Variants in KIAA1549 observed in about 807,000 individuals in gnomAD.
KIAA1549 encodes the protein KIAA1549, also known as UPF0606 protein KIAA1549.
Under a neutral mutation model 156.4 loss-of-function variants are expected in KIAA1549, and 70 were observed. The observed-to-expected ratio is 0.45, with a 90% CI of 0.37 to 0.55. The LOEUF (loss-of-function observed/expected upper bound fraction) is 0.55. Among genes scored for constraint, KIAA1549 ranks in the 20% least tolerant of loss-of-function variants. KIAA1549 has a pLI of 0.00. For missense variants in KIAA1549, 2,428 were observed against 2,540.9 expected (o/e 0.96, Z 0.96); for synonymous variants, 1,103 against 1,066.4 (o/e 1.03, Z -0.67).
chr7:138,837,900 G>A lies in KIAA1549; in HGVS notation c.*6C>T. The A allele has an allele frequency of 6.2e-7, 1 of 1,612,856 alleles. No homozygotes were observed. Among genetic ancestry groups the A allele is most frequent in the Non-Finnish European group, 8.5e-7 (1 of 1,179,592 alleles). Reference sequence around the variant, plus strand: ...GATACTTGGCAAATCTGCGAGGCGAGGCCGATCAGCTGTGGAAGTTCTGCA... The same window carrying A: ...GATACTTGGCAAATCTGCGAGGCGAAGCCGATCAGCTGTGGAAGTTCTGCA... On this transcript the variant is annotated 3_prime_UTR_variant, in exon 20 of 20. Coordinates refer to ENST00000422774, the MANE Select transcript of KIAA1549 (RefSeq NM_001164665.2).
chr7:138,940,010 T>C (rs1813130339), intron 1 of KIAA1549, among the ~76,000 whole-genome samples: 1 of 152,152 alleles, frequency 6.6e-6, no homozygotes, highest in African/African-American at 2.4e-5. Flanking sequence ...TTAATTTTAA[T>C]TTAAAAATAA....
intron 10 of KIAA1549, among the ~76,000 whole-genome samples, chr7:138,888,684 A>C (rs542930535): frequency 5.3e-4 from 81 of 152,364 alleles, no homozygotes; most frequent in Non-Finnish European, 1.1e-3. Context: ...ATGAAAAATT[A>C]GGCAGGCTAA....
intron 8 of KIAA1549, among the ~76,000 whole-genome samples, chr7:138,899,486 C>A (rs1478490494): frequency 6.6e-6 from 1 of 152,220 alleles, no homozygotes; most frequent in Non-Finnish European, 1.5e-5. Flanking sequence ...ATCCTCCCAA[C>A]ATTAACTGTA....
At chr7:138,922,345 A>C (rs902674878) in intron 1 of KIAA1549, among the ~76,000 whole-genome samples, 2 of 152,234 alleles carry the variant, frequency 1.3e-5, no homozygotes, top group Non-Finnish European at 2.9e-5. Flanking sequence ...CTGCAGCTAG[A>C]GTTGCAGAGC....
rs373317519 is a variant in KIAA1549 at position 138,917,692 on chromosome 7, G to A, written c.1934C>T (p.Pro645Leu). The A allele has an allele frequency of 1.9e-6, 3 of 1,607,988 alleles. No homozygotes were observed. The highest frequency in any genetic ancestry group is 2.7e-5 in the African/African-American group (2 of 74,740). Reference protein sequence around the residue: ...SGSISSPSEAPASLSLMPSDL... With the variant: ...SGSISSPSEALASLSLMPSDL... ...ACTCGGCATCAGAGACAGAGACGCAGGTGCTTCCGAAGGCGAAGAGATGGA... is the reference window on the plus strand; with the variant it reads ...ACTCGGCATCAGAGACAGAGACGCAAGTGCTTCCGAAGGCGAAGAGATGGA... The change falls in exon 2 of 20, where the codon CCT (proline) becomes CTT (leucine). Residue 645 changes from proline (P) to leucine (L), a missense_variant. Physicochemically the swap from Pro to Leu is moderately conservative, Grantham distance 98. Around this residue, in one of 5 missense-constraint regions of KIAA1549, gnomAD observed 893 missense variants for 847.9 expected, o/e 1.05. Transcript: ENST00000422774.
intron 1 of KIAA1549, among the ~76,000 whole-genome samples, chr7:138,953,953 G>A (rs940784847): frequency 6.6e-6 from 1 of 152,162 alleles, no homozygotes; most frequent in African/African-American, 2.4e-5. Flanking sequence ...CAGAGGTACA[G>A]AAAATAAATG....
chr7:138,948,463 G>A (rs572785545), intron 1 of KIAA1549, among the ~76,000 whole-genome samples: 5 of 152,250 alleles, frequency 3.3e-5, no homozygotes, highest in Admixed American at 6.5e-5. Flanking sequence ...GCATGGCCCC[G>A]CCAACACCTT....
chr7:138,949,213 T>G (rs1309371964), intron 1 of KIAA1549, among the ~76,000 whole-genome samples: 1 of 152,206 alleles, frequency 6.6e-6, no homozygotes, highest in Non-Finnish European at 1.5e-5. Context: ...TTCTGTAATT[T>G]GAAAATTCAC....
At chr7:138,935,020 GC>G (rs1041396902) in intron 1 of KIAA1549, among the ~76,000 whole-genome samples, 1 of 152,076 alleles carries the variant, frequency 6.6e-6, no homozygotes, top group Admixed American at 6.5e-5. Context: ...CTTGCTCAGT[GC>G]CCCCCGGAGA....
chr7:138,927,499 G>C (rs1167934503), intron 1 of KIAA1549, among the ~76,000 whole-genome samples: 1 of 152,244 alleles, frequency 6.6e-6, no homozygotes, highest in Non-Finnish European at 1.5e-5. Context: ...TTAGCTGCGT[G>C]TGGTGGCGCA....
rs751486527 is a variant in KIAA1549 at position 138,918,119 on chromosome 7, T to G, written c.1507A>C (p.Thr503Pro). Residue 503 changes from threonine to proline, a missense_variant, in exon 2 of 20, where the codon ACG (threonine) becomes CCG (proline). Physicochemically the swap from Thr to Pro is conservative, Grantham distance 38. Transcript: ENST00000422774. The surrounding 1 kb of genome is among the most constrained non-coding windows in gnomAD (Gnocchi z 4.2). Reference protein sequence around the residue: ...LSSRSMEISETSVGISAEVDM... With the variant: ...LSSRSMEISEPSVGISAEVDM... ...ACCTCGGCAGAAATGCCAACACTCG[T>G]CTCTGAGATTTCCATGGATCTAGAA... 10 of 1,613,968 alleles carry G rather than the reference T, an allele frequency of 6.2e-6. No homozygotes were observed. The highest frequency in any genetic ancestry group is 7.6e-6 in the Non-Finnish European group (9 of 1,179,866).
At chr7:138,948,678 T>C (rs913980290) in intron 1 of KIAA1549, among the ~76,000 whole-genome samples, 1 of 143,740 alleles carries the variant, frequency 7.0e-6, no homozygotes, top group South Asian at 2.2e-4. Flanking sequence ...GTTTATACTG[T>C]TTTTTTGTTT....
At chr7:138,954,502 C>T (rs946967975) in intron 1 of KIAA1549, among the ~76,000 whole-genome samples, 2 of 152,156 alleles carry the variant, frequency 1.3e-5, no homozygotes, top group Admixed American at 6.5e-5. Context: ...CCTGCCAAAG[C>T]GCAGGCTCTC....
At position 138,833,494 on chromosome 7, in the gene KIAA1549, C is replaced by G. The variant is rs1028378750; in HGVS notation, c.*4412G>C. The G allele has an allele frequency of 3.9e-5, 9 of 232,606 alleles. No individual in the cohort carries two copies. Among genetic ancestry groups the G allele is most frequent in the Non-Finnish European group, 6.8e-5 (8 of 117,732 alleles). The allele number at this position is 232,606 out of a possible 1,614,324, so 14.4% of individuals were successfully genotyped here. On this transcript the variant is annotated 3_prime_UTR_variant, in exon 20 of 20. Transcript: ENST00000422774. The stretch of plus-strand genomic sequence containing the variant: ...TTAGCCCAAAGCCTTTAGCGCCTAC[C>G]TTCACCCGTGCTTTGCCTCACAGTC...
At position 138,898,309 on chromosome 7, in the gene KIAA1549, A is replaced by G. The variant is rs376742685; in HGVS notation, c.3847+646T>C. ...TGACAGAGTGAGACTCCATCTCAAAAAAAAAAAAAAAAAAGCAAACAAATC... is the reference window on the plus strand; with the variant it reads ...TGACAGAGTGAGACTCCATCTCAAAGAAAAAAAAAAAAAAGCAAACAAATC... On this transcript the variant is annotated intron_variant, in intron 9 of 19. Coordinates refer to ENST00000422774, the MANE Select transcript of KIAA1549 (RefSeq NM_001164665.2). Among the ~76,000 whole-genome samples the G allele has an allele frequency of 9.6e-3, 1,449 of 151,396 alleles. 22 individuals are homozygous for G. The highest frequency in any genetic ancestry group is 0.033 in the African/African-American group (1,371 of 41,312).
intron 3 of KIAA1549, 119 bp from the exon 4 acceptor site, chr7:138,911,442 G>A (rs1226559990): frequency 2.3e-5 from 17 of 727,520 alleles, no homozygotes; most frequent in Non-Finnish European, 3.6e-5. Flanking sequence ...AGTGCATCAC[G>A]GATAATCAAA....
At chr7:138,848,417 G>A (rs1034544930) in intron 17 of KIAA1549, among the ~76,000 whole-genome samples, 1 of 152,146 alleles carries the variant, frequency 6.6e-6, no homozygotes, top group African/African-American at 2.4e-5. Flanking sequence ...TGTATCTATT[G>A]AAATGACAAG....
At chr7:138,855,659 G>C (rs1188329997) in intron 16 of KIAA1549, among the ~76,000 whole-genome samples, 2 of 152,052 alleles carry the variant, frequency 1.3e-5, no homozygotes, top group African/African-American at 4.8e-5. Context: ...CATATACTTG[G>C]GTACTGAATA....
intron 10 of KIAA1549, among the ~76,000 whole-genome samples, chr7:138,893,972 A>T (rs1311269672): frequency 6.6e-6 from 1 of 152,242 alleles, no homozygotes; most frequent in South Asian, 2.1e-4. Flanking sequence ...TCGGAGACCG[A>T]GGCAGGAGAA....
Sources: allele counts gnomAD v4.1 joint callset (sites outside exome capture counted in the v4.1 genomes callset), GRCh38; gene constraint gnomAD v4.1.1; regional missense constraint gnomAD v4.1.1; non-coding constraint Gnocchi (gnomAD v3.1); transcripts MANE v1.5; gene names NCBI Gene and HGNC (gene_info 2026-07-23, HGNC 2026-07-21).